Variants in RNF44 observed in about 807,000 individuals in gnomAD.
RNF44 encodes ring finger protein 44.
In RNF44, 25 loss-of-function variants were observed where a neutral mutation model predicts 53.6. The observed-to-expected ratio is 0.47, with a 90% CI of 0.34 to 0.65. The LOEUF (loss-of-function observed/expected upper bound fraction) is 0.65, where lower values mean the gene tolerates loss of function less well. Ranked by LOEUF, RNF44 falls within the 30% of genes least tolerant of loss-of-function variation. The pLI, the probability that RNF44 is intolerant of heterozygous loss-of-function variation, is 0.01. For missense variants in RNF44, 581 were observed against 595.5 expected, an observed-to-expected ratio of 0.98 and a Z score of 0.25; for synonymous variants, 282 against 252.2, an observed-to-expected ratio of 1.12 and a Z score of -1.12.
intron 1 of RNF44, among the ~76,000 whole-genome samples, chr5:176,533,735 G>A (rs995051471): frequency 1.3e-5 from 2 of 151,600 alleles, no homozygotes; most frequent in African/African-American, 4.8e-5. Context: ...GGGTCCAGGT[G>A]GAGGATGTCG....
chr5:176,538,556 A>G (rs965513393), upstream of RNF44, among the ~76,000 whole-genome samples: 3 of 151,982 alleles, frequency 2.0e-5, no homozygotes, highest in Non-Finnish European at 4.4e-5. Flanking sequence ...TATTGGGTGC[A>G]TGCATATAAT....
chr5:176,541,514 G>C (rs1757445867), upstream of RNF44, among the ~76,000 whole-genome samples: 2 of 152,144 alleles, frequency 1.3e-5, no homozygotes, highest in African/African-American at 4.8e-5. Flanking sequence ...GATCAGAGTG[G>C]ACAGGAGCCT....
chr5:176,533,316 C>G (rs897652919), intron 1 of RNF44, among the ~76,000 whole-genome samples: 4 of 152,208 alleles, frequency 2.6e-5, no homozygotes, highest in Non-Finnish European at 5.9e-5. Context: ...TTCTTTCTTT[C>G]CTTAACCTGC....
upstream of RNF44, chr5:176,538,018 T>C (rs1757338619): frequency 6.6e-6 from 1 of 152,180 alleles, no homozygotes; most frequent in African/African-American, 2.4e-5. Flanking sequence ...GCAAACGAGC[T>C]AACGTCTGCC....
intron 1 of RNF44, among the ~76,000 whole-genome samples, chr5:176,535,326 C>T (rs1166787038): frequency 2.0e-5 from 3 of 152,310 alleles, no homozygotes; most frequent in African/African-American, 4.8e-5. Flanking sequence ...TCATTATTAG[C>T]GAATACGACA....
chr5:176,530,683 A>G lies in RNF44; in HGVS notation c.700T>C (p.Phe234Leu). The change falls in exon 6 of 11, where the codon TTC becomes CTC. Residue 234 changes from phenylalanine to leucine, a missense_variant. Transcript: ENST00000274811. Reference sequence around the variant, plus strand: ...CCAGGCGCAGAGGTGGAGTAGGTGAAGCTGCCCAGGGAGGGCTGGTCCCCA... The same window carrying G: ...CCAGGCGCAGAGGTGGAGTAGGTGAGGCTGCCCAGGGAGGGCTGGTCCCCA... ...LRGDQPSLGS[F>L]TYSTSAPGPA... is the part of the protein sequence containing the mutation. 1.9e-6 allele frequency: 3 copies of G among 1,545,760 alleles called. No homozygotes were observed. The highest frequency in any genetic ancestry group is 2.6e-6 in the Non-Finnish European group (3 of 1,148,744).
At chr5:176,543,468 G>A in the RNF44 span, 1 of 151,902 alleles carries the variant, frequency 6.6e-6, no homozygotes, top group Non-Finnish European at 1.5e-5. The surrounding 1 kb of genome is among the most constrained non-coding windows in gnomAD (Gnocchi z 4.0). Context: ...CCCCGGCCCC[G>A]CGCGAATGGA....
Position 176,530,595 on chromosome 5 carries a change from A to G in RNF44, c.788T>C (p.Leu263Pro), listed in dbSNP as rs752350483. Residue 263 changes from leucine to proline, a missense_variant, in exon 6 of 11, where the codon CTG (leucine) becomes CCG (proline). This residue lies in a region of RNF44 where 387 missense variants were observed against 366.0 expected (regional missense o/e 1.06). Transcript: ENST00000274811. ...YLPHDPLHQE[L>P]SFGVPYSHMM... Reference sequence around the variant, plus strand: ...GGTGGCACTCACCACACCAAAGGACAGCTCCTGGTGCAGCGGATCGTGGGG... The same window carrying G: ...GGTGGCACTCACCACACCAAAGGACGGCTCCTGGTGCAGCGGATCGTGGGG... The G allele has an allele frequency of 1.8e-5, 26 of 1,477,660 alleles. No individual in the cohort carries two copies. Among genetic ancestry groups the G allele is most frequent in the East Asian group, 2.8e-5 (1 of 35,772 alleles). The allele number at this position is 1,477,660 out of a possible 1,614,324, so 91.5% of individuals were successfully genotyped here.
In RNF44 at chr5:176,529,773, G is replaced by A; in HGVS notation, c.972C>T (p.Ser324=). 1 of 1,611,936 alleles carries A rather than the reference G, an allele frequency of 6.2e-7. No homozygotes were observed. The highest frequency in any genetic ancestry group is 1.1e-5 in the South Asian group (1 of 90,706). The change falls in exon 8 of 11, where the codon AGC becomes AGT. Residue 324 remains serine, a synonymous_variant. Coordinates refer to ENST00000274811, the MANE Select transcript of RNF44 (RefSeq NM_014901.5). ...MSPTAMGPTI[S]LDLDVDDVEM... ...CCACATCATCCACGTCCAGGTCCAG[G>A]CTGATGGTGGGCCCCATTGCTGTTG...
upstream of RNF44, among the ~76,000 whole-genome samples, chr5:176,542,136 G>C (rs1370290175): frequency 1.3e-5 from 2 of 152,200 alleles, no homozygotes; most frequent in Admixed American, 1.3e-4. Context: ...CCTTGGGTGA[G>C]TTCTATGGCT....
chr5:176,534,878 G>A (rs748387707), intron 1 of RNF44, among the ~76,000 whole-genome samples: 25 of 152,214 alleles, frequency 1.6e-4, no homozygotes, highest in Non-Finnish European at 3.2e-4. Flanking sequence ...AAGCACCCAT[G>A]ACTAGCCACC....
rs1051713672 is a variant in RNF44, at chr5:176,528,799, C to T, written c.*229G>A. Reference sequence around the variant, plus strand: ...CCGATCAGGGACACTCAGGCAGCTCCGTGGCGGGCGGGCAGGCAGGCAGAC... The same window carrying T: ...CCGATCAGGGACACTCAGGCAGCTCTGTGGCGGGCGGGCAGGCAGGCAGAC... On this transcript the variant is annotated 3_prime_UTR_variant, in exon 11 of 11. Coordinates refer to ENST00000274811, the MANE Select transcript of RNF44 (RefSeq NM_014901.5). The T allele has an allele frequency of 5.0e-5, 29 of 581,832 alleles. 1 individual carries two copies. The Admixed American group carries it at 5.6e-4, about 11-fold the overall frequency. 36.0% of individuals were successfully genotyped at this position (581,832 alleles called of 1,614,324 possible).
At chr5:176,536,236 TCCC>T (rs987618626) in intron 1 of RNF44, 4 of 152,182 alleles carry the variant, frequency 2.6e-5, no homozygotes, top group African/African-American at 9.7e-5. Flanking sequence ...GAGAGAAGAC[TCCC>T]TAGTGACCTT....
chr5:176,538,335 G>GCCT (rs1216328628), upstream of RNF44, among the ~76,000 whole-genome samples: 1 of 152,152 alleles, frequency 6.6e-6, no homozygotes, highest in Admixed American at 6.5e-5. Context: ...GAAAGTGAGG[G>GCCT]CCTTCCCTTA....
rs771807379 is a variant in RNF44 at position 176,530,619 on chromosome 5, G to C, written c.764C>G (p.Pro255Arg). ...LSPSVPLHYL[P>R]HDPLHQELSF... ...CAGCTCCTGGTGCAGCGGATCGTGGGGCAGGTAGTGCAGGGGCACCGACGG... is the reference window on the plus strand; with the variant it reads ...CAGCTCCTGGTGCAGCGGATCGTGGCGCAGGTAGTGCAGGGGCACCGACGG... Residue 255 changes from proline (P) to arginine (R), a missense_variant, in exon 6 of 11, where the codon CCC (proline) becomes CGC (arginine). Pro to Arg is a moderately radical substitution (Grantham distance 103). Transcript: ENST00000274811. 9 of 1,504,250 alleles carry C rather than the reference G, an allele frequency of 6.0e-6. No individual in the cohort carries two copies. In the African/African-American group the frequency reaches 1.3e-4, roughly 22 times the overall value. The allele number at this position is 1,504,250 out of a possible 1,614,324, so 93.2% of individuals were successfully genotyped here. A position where few individuals can be genotyped will look rare whatever the true frequency, so the allele number is the denominator to read the frequency against.
upstream of RNF44, among the ~76,000 whole-genome samples, chr5:176,538,326 A>G (rs914997613): frequency 4.6e-5 from 7 of 152,144 alleles, no homozygotes. Flanking sequence ...ACAGATGGGG[A>G]AAGTGAGGGC....
In RNF44 at chr5:176,532,909, C is replaced by T. The variant is rs575190632; in HGVS notation, c.-44-393G>A. On this transcript the variant is annotated intron_variant, in intron 1 of 10. Coordinates refer to ENST00000274811, the MANE Select transcript of RNF44 (RefSeq NM_014901.5). ...CGAGCCCTGGGGTCCAGTGCTGACA[C>T]GCCAGGACAGCTCAGCCTGCCAGCA... 2.6e-3 allele frequency among the ~76,000 whole-genome samples: 395 copies of T among 152,238 alleles called. 3 individuals are homozygous for T. The highest frequency in any genetic ancestry group is 9.1e-3 in the African/African-American group (379 of 41,526).
chr5:176,532,441 C>T lies in RNF44; in HGVS notation c.32G>A (p.Trp11Ter). 1 of 1,604,180 alleles carries T rather than the reference C, an allele frequency of 6.2e-7. No individual in the cohort carries two copies. Residue 11 changes from tryptophan to a stop codon, truncating the protein, a stop_gained, in exon 2 of 11, where the codon TGG (tryptophan) becomes TAG (stop). Transcript: ENST00000274811. LOFTEE classifies it high-confidence loss of function. ...CTGGCCCACGGGGGCGGAGGGTGGC[C>T]ACCTAGTCACTGCCAGAGCCCATGG... MRPWALAVTR[W>*]PPSAPVGQRR...
chr5:176,542,351 G>A (rs1054721750), upstream of RNF44, among the ~76,000 whole-genome samples: 1 of 152,010 alleles, frequency 6.6e-6, no homozygotes, highest in Non-Finnish European at 1.5e-5. Context: ...ATCCTTCTCG[G>A]TGGGTCAACA....
Sources: gnomAD v4.1 joint callset for allele counts (sites outside exome capture counted in the v4.1 genomes callset) on GRCh38, gnomAD v4.1.1 for gene constraint, gnomAD v4.1.1 regional missense constraint, Gnocchi (gnomAD v3.1) non-coding constraint, MANE v1.5 for transcripts, NCBI Gene and HGNC (gene_info 2026-07-23, HGNC 2026-07-21) for gene names.